FBXL17: variants seen among roughly 807,000 people sequenced by gnomAD.
The protein encoded by FBXL17 is F-box/LRR-repeat protein 17.
FBXL17 carries 22 observed loss-of-function variants against 66.2 expected under a neutral mutation model. That is an observed-to-expected ratio of 0.33 (90% CI 0.24 to 0.47). The LOEUF is 0.47. Among genes scored for constraint, FBXL17 ranks in the 20% least tolerant of loss-of-function variants. The pLI is 1.00. For synonymous variants in FBXL17, 474 were observed against 400.5 expected, an observed-to-expected ratio of 1.18 and a Z score of -2.19; for missense variants, 878 against 948.2, an observed-to-expected ratio of 0.93 and a Z score of 0.97.
chr5:107,886,915 C>T (rs912642191), intron 7 of FBXL17, among the ~76,000 whole-genome samples: 6 of 129,648 alleles, frequency 4.6e-5, no homozygotes, highest in Non-Finnish European at 8.6e-5. Flanking sequence ...TAATGAAATA[C>T]AAAAAAAAAA....
In FBXL17 at chr5:107,944,766, C is replaced by T. The variant is rs1000755519; in HGVS notation, c.1823-63587G>A. Among the ~76,000 whole-genome samples the T allele has an allele frequency of 6.6e-5, 10 of 151,862 alleles. 1 individual carries two copies. Among genetic ancestry groups the T allele is most frequent in the Admixed American group, 5.9e-4 (9 of 15,216 alleles). ...ATGGACTACTCAATAAACGTATATC[C>T]AATTTTTTAAAAGACTATTGGATTC... is the stretch of plus-strand genomic sequence containing the variant. On this transcript the variant is annotated intron_variant, in intron 7 of 8. Transcript: ENST00000542267.
At position 107,861,407 on chromosome 5, in the gene FBXL17, A is replaced by G. The variant is rs35343876; in HGVS notation, c.*313T>C. On this transcript the variant is annotated 3_prime_UTR_variant, in exon 9 of 9. Transcript: ENST00000542267. ...CCAAGTGGCAGCAATTAGAAGCTCAAAATAATACATCCAATTTTTTGACTC... is the reference window on the plus strand; with the variant it reads ...CCAAGTGGCAGCAATTAGAAGCTCAGAATAATACATCCAATTTTTTGACTC... 0.16 allele frequency: 28,646 copies of G among 173,874 alleles called. 2,627 individuals are homozygous for G. Among genetic ancestry groups the G allele is most frequent in the Middle Eastern group, 0.3 (125 of 410 alleles). The allele number at this position is 173,874 out of a possible 1,614,324, so 10.8% of individuals were successfully genotyped here.
chr5:108,134,614 G>GT (rs1304495824), intron 6 of FBXL17, among the ~76,000 whole-genome samples: 7 of 152,180 alleles, frequency 4.6e-5, no homozygotes, highest in African/African-American at 1.7e-4. Context: ...AAAAACAGTT[G>GT]TATCAGGAGA....
chr5:108,110,593 C>G (rs1580454905), intron 6 of FBXL17, among the ~76,000 whole-genome samples: 1 of 152,088 alleles, frequency 6.6e-6, no homozygotes, highest in Non-Finnish European at 1.5e-5. Flanking sequence ...GAAGAAGGCA[C>G]AAGATTAAAT....
chr5:108,359,451 A>G (rs1156765113), intron 3 of FBXL17, among the ~76,000 whole-genome samples: 2 of 152,112 alleles, frequency 1.3e-5, no homozygotes, highest in African/African-American at 4.8e-5. Flanking sequence ...CTGCCCTCTG[A>G]GCACTGCTTT....
At chr5:108,262,063 T>G in intron 4 of FBXL17, among the ~76,000 whole-genome samples, 1 of 134,516 alleles carries the variant, frequency 7.4e-6, no homozygotes, top group Admixed American at 7.4e-5. Flanking sequence ...ATTTTATTTA[T>G]TTATTTATTT....
intron 4 of FBXL17, among the ~76,000 whole-genome samples, chr5:108,236,775 A>G (rs1159235091): frequency 6.6e-6 from 1 of 152,166 alleles, no homozygotes; most frequent in African/African-American, 2.4e-5. Context: ...TAATTTTTTC[A>G]TCTCTTGCAG....
At chr5:107,912,921 A>G (rs563821915) in intron 7 of FBXL17, among the ~76,000 whole-genome samples, 1 of 152,298 alleles carries the variant, frequency 6.6e-6, no homozygotes, top group African/African-American at 2.4e-5. Context: ...CTGAAAAAGT[A>G]TAGTGTAAGA....
chr5:108,097,146 G>A (rs571056058), intron 6 of FBXL17, among the ~76,000 whole-genome samples: 43 of 152,068 alleles, frequency 2.8e-4, no homozygotes, highest in South Asian at 4.2e-4. Flanking sequence ...AGATCTGCTG[G>A]TTTTATAAAC....
intron 4 of FBXL17, among the ~76,000 whole-genome samples, chr5:108,302,603 A>G (rs1017960566): frequency 2.6e-5 from 4 of 151,780 alleles, no homozygotes; most frequent in South Asian, 2.1e-4. Context: ...TCCTCTTCAA[A>G]CCCTTAACCT....
intron 6 of FBXL17, among the ~76,000 whole-genome samples, chr5:108,049,879 G>T (rs923288491): frequency 2.6e-5 from 4 of 152,116 alleles, no homozygotes; most frequent in Admixed American, 6.6e-5. Context: ...AAAATAAACG[G>T]ATATAGGAAC....
intron 6 of FBXL17, among the ~76,000 whole-genome samples, chr5:108,054,521 C>T (rs1359568028): frequency 3.9e-5 from 6 of 152,130 alleles, no homozygotes; most frequent in Admixed American, 3.9e-4. Context: ...AGCTCCAACT[C>T]CCTGTTTGGC....
At chr5:108,017,327 C>G (rs912639679) in intron 7 of FBXL17, among the ~76,000 whole-genome samples, 3 of 152,106 alleles carry the variant, frequency 2.0e-5, no homozygotes, top group Non-Finnish European at 4.4e-5. Flanking sequence ...TAGCTTAGCT[C>G]TGGAGATCAA....
rs1461801161 is a variant in FBXL17, at chr5:108,380,679, C to T, written c.993+20G>A. On this transcript the variant is annotated intron_variant, in intron 1 of 8. Transcript: ENST00000542267. The stretch of plus-strand genomic sequence containing the variant: ...GGGTGGGGGAAAGCGAGCATCCCTG[C>T]GCCTCTCGCCCAGACCCACCTTGAG... 15 of 1,246,252 alleles carry T rather than the reference C, an allele frequency of 1.2e-5. No homozygotes were observed. The highest frequency in any genetic ancestry group is 7.1e-6 in the Non-Finnish European group (7 of 986,560). 77.2% of individuals were successfully genotyped at this position (1,246,252 alleles called of 1,614,324 possible). A position where few individuals can be genotyped will look rare whatever the true frequency, so the allele number is the denominator to read the frequency against.
chr5:108,289,855 T>A (rs1239427102), intron 4 of FBXL17, among the ~76,000 whole-genome samples: 1 of 152,186 alleles, frequency 6.6e-6, no homozygotes, highest in Non-Finnish European at 1.5e-5. Context: ...TGCTCAATAT[T>A]TGGTAACTCT....
intron 4 of FBXL17, among the ~76,000 whole-genome samples, chr5:108,233,223 G>A (rs1755448838): frequency 6.6e-6 from 1 of 151,672 alleles, no homozygotes. Flanking sequence ...TTTCTTAATG[G>A]TGTTCTTAGC....
chr5:107,968,992 A>G (rs930343664), intron 7 of FBXL17, among the ~76,000 whole-genome samples: 1 of 152,142 alleles, frequency 6.6e-6, no homozygotes, highest in Non-Finnish European at 1.5e-5. Context: ...CATAACTTGG[A>G]GGTTGTCAAA....
At chr5:107,908,934 T>C (rs1328109932) in intron 7 of FBXL17, among the ~76,000 whole-genome samples, 2 of 152,186 alleles carry the variant, frequency 1.3e-5, no homozygotes, top group African/African-American at 4.8e-5. Context: ...GAAATGGTTC[T>C]ATCTGCCGTT....
chr5:107,889,574 G>A (rs1749124667), intron 7 of FBXL17, among the ~76,000 whole-genome samples: 1 of 152,196 alleles, frequency 6.6e-6, no homozygotes, highest in African/African-American at 2.4e-5. Context: ...GGTATTGTCT[G>A]ACTCACAAAG....
Sources: allele counts gnomAD v4.1 joint callset (sites outside exome capture counted in the v4.1 genomes callset), GRCh38; gene constraint gnomAD v4.1.1; transcripts MANE v1.5; gene names NCBI Gene and HGNC (gene_info 2026-07-23, HGNC 2026-07-21).